The following MEG3 variants were observed in gnomAD, a reference collection of about 807,000 sequenced individuals.
The protein encoded by MEG3 is Very putative protein from MEG3 locus.
chr14:100,843,184 A>G (rs1484998857), intron 2 of MEG3, among the ~76,000 whole-genome samples: 4 of 152,232 alleles, frequency 2.6e-5, no homozygotes, highest in African/African-American at 9.6e-5. Context: ...GAAGCAGGAA[A>G]AAACCCAGAT....
At chr14:100,827,191 A>G (rs10134980) in intron 1 of MEG3, among the ~76,000 whole-genome samples, 15 of 152,036 alleles carry the variant, frequency 9.9e-5, no homozygotes, top group African/African-American at 3.1e-4. Flanking sequence ...TTCCTTTGTC[A>G]GAGTCAAGCC....
upstream of MEG3, chr14:100,854,810 A>G (rs2038189212): frequency 6.5e-6 from 1 of 152,702 alleles, no homozygotes. Flanking sequence ...GTCCTGTGAT[A>G]TGTCAGCAAA....
chr14:100,837,651 G>GCCTCCGC lies in MEG3; in HGVS notation n.3045+1360_3045+1366dup, dbSNP rs755246646. ...TGTGCACGCATCAGCCCTTGTGCAGGCCTCCGCCCTCCGCCACCCCCCACC... is the reference window on the plus strand; with the variant it reads ...TGTGCACGCATCAGCCCTTGTGCAGGCCTCCGCCCTCCGCCCTCCGCCACCCCCCACC... On this transcript the variant is annotated intron_variant and non_coding_transcript_variant, in intron 2 of 3. Transcript: ENST00000398461. This position sits in a 1 kb window ranked among gnomAD's most constrained non-coding sequence, Gnocchi z 5.8. Among the ~76,000 whole-genome samples the GCCTCCGC allele has an allele frequency of 1.3e-5, 2 of 152,048 alleles. No individual in the cohort carries two copies. The highest frequency in any genetic ancestry group is 2.9e-5 in the Non-Finnish European group (2 of 68,010).
At chr14:100,834,966 A>G (rs1209545155) in exon 1 of MEG3, 2 of 393,016 alleles carry the variant, frequency 5.1e-6, no homozygotes, top group African/African-American at 4.1e-5. Flanking sequence ...CTAACTGAGC[A>G]CGCCCACGGC....
intron 2 of MEG3, among the ~76,000 whole-genome samples, chr14:100,840,113 G>A (rs1051654917): frequency 6.6e-6 from 1 of 152,246 alleles, no homozygotes; most frequent in Non-Finnish European, 1.5e-5. Context: ...GAGGGACTGT[G>A]TGTGAGAGAG....
In MEG3 at chr14:100,837,632, C is replaced by T. The variant is rs958464162; in HGVS notation, n.3045+1332C>T. 2.6e-5 allele frequency among the ~76,000 whole-genome samples: 4 copies of T among 152,234 alleles called. No individual in the cohort carries two copies. Among genetic ancestry groups the T allele is most frequent in the African/African-American group, 4.8e-5 (2 of 41,536 alleles). ...AGCCTCTAGTCCTCAGCCATGTGCA[C>T]GCATCAGCCCTTGTGCAGGCCTCCG... is the stretch of plus-strand genomic sequence containing the variant. On this transcript the variant is annotated intron_variant and non_coding_transcript_variant, in intron 2 of 3. Coordinates refer to the MEG3 transcript ENST00000398461. This position sits in a 1 kb window ranked among gnomAD's most constrained non-coding sequence, Gnocchi z 5.8.
exon 1 of MEG3, chr14:100,834,477 C>A (rs2037495046): frequency 3.2e-6 from 1 of 315,920 alleles, no homozygotes; most frequent in Non-Finnish European, 6.2e-6. Context: ...GGTTTCTGGA[C>A]TTTTCTGAGG....
chr14:100,833,807 A>G (rs2037468026), downstream of MEG3: 1 of 152,206 alleles, frequency 6.6e-6, no homozygotes, highest in South Asian at 2.1e-4. Context: ...CTTCAGCCAA[A>G]TGGAAAAAAA....
chr14:100,844,142 G>A (rs1839662591), intron 2 of MEG3, among the ~76,000 whole-genome samples: 1 of 152,122 alleles, frequency 6.6e-6, no homozygotes, highest in Admixed American at 6.5e-5. Flanking sequence ...TGGTACCTGT[G>A]GTCTGTGGCT....
intron 2 of MEG3, among the ~76,000 whole-genome samples, chr14:100,836,866 C>A (rs1449057804): frequency 6.6e-6 from 1 of 152,116 alleles, no homozygotes; most frequent in Non-Finnish European, 1.5e-5. Flanking sequence ...TCCTCCTTTC[C>A]TCACCCCTGA....
intron 2 of MEG3, among the ~76,000 whole-genome samples, chr14:100,839,402 G>A (rs534345111): frequency 6.6e-6 from 1 of 152,316 alleles, no homozygotes; most frequent in South Asian, 2.1e-4. Flanking sequence ...GTCTAGCTTC[G>A]TCTCCCATCC....
intron 2 of MEG3, among the ~76,000 whole-genome samples, chr14:100,836,777 G>A (rs1410970939): frequency 3.9e-5 from 6 of 152,210 alleles, no homozygotes; most frequent in Admixed American, 3.9e-4. Context: ...CACCCCCTGT[G>A]AGAACCGTGG....
downstream of MEG3, chr14:100,832,160 C>G (rs929997681): frequency 5.3e-5 from 8 of 151,708 alleles, no homozygotes; most frequent in African/African-American, 1.9e-4. Flanking sequence ...TAAAAGCCAC[C>G]AAAAACACAT....
intron 2 of MEG3, among the ~76,000 whole-genome samples, chr14:100,841,624 G>A (rs2037762581): frequency 6.6e-6 from 1 of 151,696 alleles, no homozygotes; most frequent in African/African-American, 2.4e-5. Flanking sequence ...CAGCTCCTGT[G>A]TGACCTGTGT....
At chr14:100,836,543 G>A (rs999719587) in intron 2 of MEG3, among the ~76,000 whole-genome samples, 1 of 152,000 alleles carries the variant, frequency 6.6e-6, no homozygotes, top group African/African-American at 2.4e-5. Flanking sequence ...GGCCGGCGAC[G>A]GTAGGTGGGG....
At chr14:100,828,016 G>T (rs1301946679) in intron 1 of MEG3, among the ~76,000 whole-genome samples, 5 of 152,138 alleles carry the variant, frequency 3.3e-5, no homozygotes. Flanking sequence ...GTGCGGGCGG[G>T]AGGCGCTGCG....
exon 1 of MEG3, chr14:100,834,904 G>T (rs1343164044): frequency 7.0e-6 from 3 of 430,000 alleles, no homozygotes; most frequent in Admixed American, 2.4e-5. Context: ...GGCCTTGCTG[G>T]TCGCGTCCCT....
downstream of MEG3, chr14:100,829,743 G>T (rs1232991213): frequency 6.6e-6 from 1 of 152,180 alleles, no homozygotes; most frequent in Non-Finnish European, 1.5e-5. Flanking sequence ...GGCTCTCCTT[G>T]CATCAGGTAG....
upstream of MEG3, chr14:100,856,983 G>A (rs146759328): frequency 6.6e-6 from 1 of 152,260 alleles, no homozygotes; most frequent in East Asian, 1.9e-4. Flanking sequence ...AGCAGGCTGG[G>A]TGCCCAACAC....
Sources: allele counts gnomAD v4.1 joint callset (sites outside exome capture counted in the v4.1 genomes callset), GRCh38; gene constraint gnomAD v4.1.1; non-coding constraint Gnocchi (gnomAD v3.1); transcripts MANE v1.5; gene names NCBI Gene and HGNC (gene_info 2026-07-23, HGNC 2026-07-21).